The following CCDC102B variants were observed in gnomAD, a reference collection of about 807,000 sequenced individuals.
The protein encoded by CCDC102B is coiled-coil domain containing 102B.
A neutral mutation model predicts 57.4 loss-of-function variants in CCDC102B; 75 were observed. That is an observed-to-expected ratio of 1.31 (90% CI 1.08 to 1.58). The LOEUF is 1.58. Ranked by LOEUF, CCDC102B falls within the 40% of genes most tolerant of loss-of-function variation. The probability of loss-of-function intolerance (pLI) is 0.00; values close to 1 mark genes in which losing one functional copy is unlikely to be tolerated. For missense variants in CCDC102B, 636 were observed against 582.6 expected, an observed-to-expected ratio of 1.09 and a Z score of -0.94; for synonymous variants, 206 against 201.9, an observed-to-expected ratio of 1.02 and a Z score of -0.17.
chr18:68,940,750 C>A (rs2049357292), intron 6 of CCDC102B, among the ~76,000 whole-genome samples: 1 of 151,882 alleles, frequency 6.6e-6, no homozygotes, highest in Admixed American at 6.6e-5. Context: ...TAGCTATGCA[C>A]ACTTTTTTAA....
chr18:68,992,353 G>T (rs999081707), intron 6 of CCDC102B, among the ~76,000 whole-genome samples: 15 of 152,250 alleles, frequency 9.9e-5, no homozygotes, highest in Non-Finnish European at 2.2e-4. Context: ...GGTGGGTAAG[G>T]TGAGAGTCAT....
intron 2 of CCDC102B, among the ~76,000 whole-genome samples, chr18:68,769,112 G>A (rs182209193): frequency 1.3e-5 from 2 of 152,016 alleles, no homozygotes; most frequent in Admixed American, 1.3e-4. Context: ...AATTTGCCGG[G>A]CATGGTGGTG....
chr18:68,852,838 GAGA>G lies in CCDC102B; in HGVS notation c.936+6421_936+6423del, dbSNP rs566877964. ...CGAAACGATTTTTGATTATACAAAG[GAGA>G]AGATGTGCAATTCCTCTTCTGTAGA... On this transcript the variant is annotated intron_variant, in intron 4 of 7. Coordinates refer to ENST00000360242, the MANE Select transcript of CCDC102B (RefSeq NM_024781.3). Among the ~76,000 whole-genome samples the G allele has an allele frequency of 2.4e-3, 369 of 152,254 alleles. 5 individuals carry two copies. The highest frequency in any genetic ancestry group is 0.01 in the Middle Eastern group (3 of 294).
chr18:68,934,245 A>G (rs1392234550), intron 6 of CCDC102B, among the ~76,000 whole-genome samples: 1 of 151,894 alleles, frequency 6.6e-6, no homozygotes, highest in Non-Finnish European at 1.5e-5. Context: ...TTGTCGGCAA[A>G]CTCTATGAAG....
chr18:69,014,466 C>T (rs1178662351), intron 7 of CCDC102B, among the ~76,000 whole-genome samples: 1 of 152,152 alleles, frequency 6.6e-6, no homozygotes, highest in Non-Finnish European at 1.5e-5. Context: ...TTTCCATGGT[C>T]AGTATAGGTG....
chr18:68,950,878 G>A (rs576275472), intron 6 of CCDC102B, among the ~76,000 whole-genome samples: 2 of 152,086 alleles, frequency 1.3e-5, no homozygotes, highest in African/African-American at 2.4e-5. Context: ...AGAATTAAAC[G>A]TGACAATGAC....
intron 6 of CCDC102B, among the ~76,000 whole-genome samples, chr18:68,996,559 C>A (rs1405705208): frequency 6.6e-6 from 1 of 152,164 alleles, no homozygotes; most frequent in African/African-American, 2.4e-5. Flanking sequence ...CTGACTAATG[C>A]AAGATTTAAT....
At chr18:68,736,211 A>G (rs990534707) in intron 2 of CCDC102B, among the ~76,000 whole-genome samples, 2 of 152,214 alleles carry the variant, frequency 1.3e-5, no homozygotes, top group Non-Finnish European at 2.9e-5. Context: ...ACTAATCAAG[A>G]GTATAAAACT....
At chr18:68,727,352 T>G (rs536773534) in intron 2 of CCDC102B, among the ~76,000 whole-genome samples, 1 of 152,306 alleles carries the variant, frequency 6.6e-6, no homozygotes, top group African/African-American at 2.4e-5. Flanking sequence ...AGACAGTTAC[T>G]AGATAGTCAC....
intron 6 of CCDC102B, among the ~76,000 whole-genome samples, chr18:68,994,452 A>G (rs2050960767): frequency 6.6e-6 from 1 of 151,964 alleles, no homozygotes; most frequent in African/African-American, 2.4e-5. Context: ...TTGGGTCCAA[A>G]TCTCACCTTG....
intron 1 of CCDC102B, among the ~76,000 whole-genome samples, chr18:68,801,134 C>T (rs967217266): frequency 2.6e-5 from 4 of 151,956 alleles, no homozygotes; most frequent in African/African-American, 9.7e-5. Flanking sequence ...TTGCCGTACA[C>T]GAAAACAGAT....
intron 6 of CCDC102B, among the ~76,000 whole-genome samples, chr18:68,967,622 C>T (rs1207374019): frequency 2.0e-5 from 3 of 152,028 alleles, no homozygotes. Context: ...TAAAGATATT[C>T]CATAACCTCA....
At chr18:68,783,579 A>G (rs1032529712) in intron 2 of CCDC102B, among the ~76,000 whole-genome samples, 2 of 152,116 alleles carry the variant, frequency 1.3e-5, no homozygotes, top group Non-Finnish European at 2.9e-5. Flanking sequence ...ATATTCTACC[A>G]GATACTTTGG....
intron 2 of CCDC102B, among the ~76,000 whole-genome samples, chr18:68,739,002 T>G (rs1230798950): frequency 6.6e-6 from 1 of 151,120 alleles, no homozygotes; most frequent in Non-Finnish European, 1.5e-5. Flanking sequence ...CCTTTTGTTT[T>G]TTTTTTTTTT....
intron 1 of CCDC102B, among the ~76,000 whole-genome samples, chr18:68,821,292 T>C (rs1372334557): frequency 6.6e-6 from 1 of 151,990 alleles, no homozygotes; most frequent in East Asian, 1.9e-4. Context: ...AGTGCAGTCA[T>C]TTATTCTCAT....
rs556620733 is a variant in CCDC102B, at chr18:68,909,273, CTGTT to C, written c.1263+11849_1263+11852del. On this transcript the variant is annotated intron_variant, in intron 6 of 7. Coordinates refer to ENST00000360242, the MANE Select transcript of CCDC102B (RefSeq NM_024781.3). ...TGTAGGTAGGAATGCATCATGGTAT[CTGTT>C]TGTGTAAATTAAAAGGAAAAAAATA... 8.1e-4 allele frequency among the ~76,000 whole-genome samples: 123 copies of C among 152,010 alleles called. 1 individual carries two copies. Among genetic ancestry groups the C allele is most frequent in the African/African-American group, 2.7e-3 (112 of 41,376 alleles).
chr18:68,805,994 A>G (rs900315254), intron 1 of CCDC102B, among the ~76,000 whole-genome samples: 4 of 152,160 alleles, frequency 2.6e-5, no homozygotes, highest in Admixed American at 6.6e-5. Flanking sequence ...TTAAAGAGCA[A>G]TCTTCAGCCA....
intron 6 of CCDC102B, among the ~76,000 whole-genome samples, chr18:68,920,370 A>C (rs12456004): frequency 0.14 from 21,494 of 152,136 alleles, 1,640 homozygotes; most frequent in African/African-American, 0.19. Context: ...AAGGTCACAC[A>C]CCTATGGCCA....
chr18:69,015,008 A>T (rs1328225074), intron 7 of CCDC102B, among the ~76,000 whole-genome samples: 1 of 144,650 alleles, frequency 6.9e-6, no homozygotes, highest in East Asian at 2.5e-4. Context: ...TGTGTGAAAG[A>T]GAAAGAGAAA....
Sources: gnomAD v4.1 joint callset for allele counts (sites outside exome capture counted in the v4.1 genomes callset) on GRCh38, gnomAD v4.1.1 for gene constraint, MANE v1.5 for transcripts, NCBI Gene and HGNC (gene_info 2026-07-23, HGNC 2026-07-21) for gene names.